The following BNC2 variants were observed in gnomAD, a reference collection of about 807,000 sequenced individuals.
BNC2 encodes the protein zinc finger protein basonuclin-2.
Under a neutral mutation model 76.3 loss-of-function variants are expected in BNC2, and 20 were observed. The observed-to-expected ratio is 0.26, with a 90% CI of 0.18 to 0.38. The LOEUF is 0.38. BNC2 is among the 10% of genes least tolerant of loss of function. BNC2 has a pLI of 1.00. For missense variants in BNC2, 1,382 were observed against 1,399.8 expected, an observed-to-expected ratio of 0.99 and a Z score of 0.20; for synonymous variants, 582 against 514.8, an observed-to-expected ratio of 1.13 and a Z score of -1.77.
intron 5 of BNC2, among the ~76,000 whole-genome samples, chr9:16,551,148 G>T (rs1045046695): frequency 6.6e-6 from 1 of 152,120 alleles, no homozygotes; most frequent in South Asian, 2.1e-4. Context: ...AACTGAAAAC[G>T]TAATATATAA....
At chr9:16,531,610 A>G (rs538154303) in intron 5 of BNC2, among the ~76,000 whole-genome samples, 1 of 152,302 alleles carries the variant, frequency 6.6e-6, no homozygotes, top group East Asian at 1.9e-4. Context: ...AAGCTGCAAA[A>G]TAATTATAAA....
At chr9:16,870,467 G>A (rs1819653630) in intron 1 of BNC2, among the ~76,000 whole-genome samples, 179 bp downstream of exon 1, 2 of 152,132 alleles carry the variant, frequency 1.3e-5, no homozygotes, top group South Asian at 2.1e-4. Flanking sequence ...GGAGCGCAGC[G>A]GGGATCAGGT....
chr9:16,442,843 T>A (rs1054150616), intron 5 of BNC2, among the ~76,000 whole-genome samples: 2 of 152,096 alleles, frequency 1.3e-5, no homozygotes, highest in African/African-American at 4.8e-5. Context: ...CGGTGACTCA[T>A]GCCTGTAATC....
At chr9:16,660,854 T>A (rs917518524) in intron 3 of BNC2, among the ~76,000 whole-genome samples, 2 of 117,014 alleles carry the variant, frequency 1.7e-5, no homozygotes, top group Non-Finnish European at 4.5e-5. Flanking sequence ...CTATGTATTG[T>A]AAGTAATATA....
intron 1 of BNC2, among the ~76,000 whole-genome samples, chr9:16,805,626 C>T (rs1284892796): frequency 1.3e-5 from 2 of 152,100 alleles, no homozygotes; most frequent in Non-Finnish European, 2.9e-5. Flanking sequence ...CTGTGCCTGG[C>T]AGGAAATTCA....
chr9:16,471,548 A>T (rs200460379), intron 5 of BNC2, among the ~76,000 whole-genome samples: 1 of 151,964 alleles, frequency 6.6e-6, no homozygotes. Flanking sequence ...CGCCTTGGCC[A>T]CCCAAAGTGC....
chr9:16,625,519 G>T (rs1267797140), intron 3 of BNC2, among the ~76,000 whole-genome samples: 1 of 152,200 alleles, frequency 6.6e-6, no homozygotes, highest in Non-Finnish European at 1.5e-5. Flanking sequence ...GGGGAAATAA[G>T]GAAACAGGGA....
At chr9:16,869,164 T>C (rs139201716) in intron 1 of BNC2, among the ~76,000 whole-genome samples, 1 of 152,316 alleles carries the variant, frequency 6.6e-6, no homozygotes, top group African/African-American at 2.4e-5. Flanking sequence ...TTTAATATTG[T>C]TGTGATGTCT....
intron 3 of BNC2, chr9:16,626,113 C>G (rs541467943): frequency 6.6e-6 from 1 of 152,284 alleles, no homozygotes; most frequent in East Asian, 1.9e-4. Context: ...GTCTCTTTAG[C>G]ACAGACATGT....
chr9:16,660,484 G>A (rs909536657), intron 3 of BNC2, among the ~76,000 whole-genome samples: 1 of 151,506 alleles, frequency 6.6e-6, no homozygotes, highest in Non-Finnish European at 1.5e-5. Flanking sequence ...ATACCACTTT[G>A]TATTAGTTCC....
intron 1 of BNC2, among the ~76,000 whole-genome samples, chr9:16,813,089 T>C (rs543160296): frequency 1.4e-3 from 220 of 151,870 alleles, no homozygotes; most frequent in Non-Finnish European, 1.5e-3. Flanking sequence ...CCCCAGCTAC[T>C]TGGAAGGCTG....
chr9:16,828,291 T>C (rs1434892603), intron 1 of BNC2, among the ~76,000 whole-genome samples: 1 of 152,204 alleles, frequency 6.6e-6, no homozygotes. Flanking sequence ...GATTATATTT[T>C]ATAGAAAAAC....
intron 5 of BNC2, among the ~76,000 whole-genome samples, chr9:16,484,255 G>A (rs1217810724): frequency 6.6e-6 from 1 of 152,154 alleles, no homozygotes; most frequent in Non-Finnish European, 1.5e-5. Flanking sequence ...GGATGTGACA[G>A]AATGTTTTTA....
intron 5 of BNC2, among the ~76,000 whole-genome samples, chr9:16,471,938 T>C (rs1254413629): frequency 1.3e-5 from 2 of 152,074 alleles, no homozygotes; most frequent in African/African-American, 4.8e-5. Flanking sequence ...ATCTGATGGG[T>C]TTATCAGGGC....
chr9:16,539,477 A>G (rs1818233920), intron 5 of BNC2, among the ~76,000 whole-genome samples: 2 of 150,226 alleles, frequency 1.3e-5, no homozygotes, highest in Non-Finnish European at 3.0e-5. Flanking sequence ...GTACTGAGCC[A>G]AGATCATTCC....
chr9:16,645,116 A>G (rs764303452), intron 3 of BNC2, among the ~76,000 whole-genome samples: 86 of 152,308 alleles, frequency 5.6e-4, no homozygotes, highest in Middle Eastern at 6.8e-3. Context: ...GTCCTTGTCT[A>G]TGACTTGCAG....
intron 3 of BNC2, among the ~76,000 whole-genome samples, chr9:16,609,747 C>G (rs1182466195): frequency 6.6e-6 from 1 of 152,128 alleles, no homozygotes; most frequent in Non-Finnish European, 1.5e-5. Flanking sequence ...GCTGGACTTC[C>G]AGAAAGATCA....
intron 3 of BNC2, 73 bp from the exon 4 acceptor site, chr9:16,583,158 A>G: frequency 8.1e-7 from 1 of 1,229,674 alleles, no homozygotes; most frequent in East Asian, 2.3e-5. Context: ...ATTTCAATAA[A>G]TATTGCCCAC....
chr9:16,788,364 T>G (rs151250251), intron 1 of BNC2, among the ~76,000 whole-genome samples: 13 of 151,656 alleles, frequency 8.6e-5, no homozygotes, highest in East Asian at 3.9e-4. Flanking sequence ...CCATCCTGGC[T>G]AACATGGTGA....
Sources: allele counts gnomAD v4.1 joint callset (sites outside exome capture counted in the v4.1 genomes callset), GRCh38; gene constraint gnomAD v4.1.1; transcripts MANE v1.5; gene names NCBI Gene and HGNC (gene_info 2026-07-23, HGNC 2026-07-21).